PTCHD4: variants seen among roughly 807,000 people sequenced by gnomAD.
PTCHD4 encodes the protein patched domain-containing protein 4.
In PTCHD4, 33 loss-of-function variants were observed where a neutral mutation model predicts 58.1. The ratio of observed to expected loss-of-function variants is 0.57; its 90% CI spans 0.43 to 0.76. PTCHD4 has a LOEUF of 0.76. Among genes scored for constraint, PTCHD4 ranks in the 30% least tolerant of loss-of-function variants. The probability of loss-of-function intolerance (pLI) is 0.00; values close to 1 mark genes in which losing one functional copy is unlikely to be tolerated. For missense variants in PTCHD4, 1,058 were observed against 1,027.1 expected, an observed-to-expected ratio of 1.03 and a Z score of -0.41; for synonymous variants, 478 against 409.6, an observed-to-expected ratio of 1.17 and a Z score of -2.02.
In PTCHD4 at chr6:47,878,906, G is replaced by A; in HGVS notation, c.1929C>T (p.Ser643=). Residue 643 remains serine, a synonymous_variant, in exon 5 of 5, where the codon TCC becomes TCT. Transcript: ENST00000339488. The part of the protein sequence containing the change: ...KSIRFIVFNP[S]FVFMDHYSLS... ...AGCTGTAATGGTCCATGAAGACAAA[G>A]GAGGGGTTGAACACGATGAATCGGA... The A allele has an allele frequency of 6.2e-7, 1 of 1,613,534 alleles. No individual in the cohort carries two copies. The highest frequency in any genetic ancestry group is 8.5e-7 in the Non-Finnish European group (1 of 1,179,746).
chr6:48,104,430 C>T (rs1309844866), intron 1 of PTCHD4, among the ~76,000 whole-genome samples: 1 of 152,114 alleles, frequency 6.6e-6, no homozygotes, highest in East Asian at 1.9e-4. Context: ...CAGGCCTGCC[C>T]TAAAAGAGCT....
intron 3 of PTCHD4, among the ~76,000 whole-genome samples, chr6:48,055,794 C>T (rs145893539): frequency 2.6e-4 from 40 of 152,296 alleles, no homozygotes; most frequent in African/African-American, 6.7e-4. Context: ...CACTTACTGG[C>T]GCCCTACCCT....
intron 4 of PTCHD4, among the ~76,000 whole-genome samples, chr6:47,947,698 C>T (rs1020919302): frequency 5.3e-5 from 8 of 151,812 alleles, no homozygotes; most frequent in Non-Finnish European, 8.8e-5. Context: ...GCTTTTAAAC[C>T]GTTTTCTTTG....
At chr6:47,961,445 C>T (rs966925646) in intron 4 of PTCHD4, among the ~76,000 whole-genome samples, 11 of 151,888 alleles carry the variant, frequency 7.2e-5, no homozygotes, top group African/African-American at 2.4e-4. Flanking sequence ...GTGCCCACTA[C>T]CCATGCCTGG....
At chr6:48,018,847 C>G (rs1390245037) in intron 3 of PTCHD4, among the ~76,000 whole-genome samples, 1 of 152,218 alleles carries the variant, frequency 6.6e-6, no homozygotes, top group African/African-American at 2.4e-5. Context: ...TTGGCCACCA[C>G]TAACGCAGGA....
At position 47,879,387 on chromosome 6, in the gene PTCHD4, C is replaced by T. The variant is rs774849243; in HGVS notation, c.1448G>A (p.Ser483Asn). Residue 483 changes from serine (S) to asparagine (N), a missense_variant, in exon 5 of 5, where the codon AGT becomes AAT. Physicochemically the swap from Ser to Asn is conservative, Grantham distance 46. Coordinates refer to ENST00000339488, the MANE Select transcript of PTCHD4 (RefSeq NM_001384253.1). ...SFSFMGCLQI[S>N]DGANIINLLA... is the part of the protein sequence containing the mutation. ...TAGATTGATGATGTTGGCTCCGTCA[C>T]TGATCTGTAAGCACCCCATGAAGGA... 1.2e-6 allele frequency: 2 copies of T among 1,613,684 alleles called. No individual in the cohort carries two copies. Among genetic ancestry groups the T allele is most frequent in the Admixed American group, 1.7e-5 (1 of 59,908 alleles).
At chr6:47,967,034 A>G (rs578135323) in intron 4 of PTCHD4, among the ~76,000 whole-genome samples, 17 of 152,288 alleles carry the variant, frequency 1.1e-4, no homozygotes, top group Middle Eastern at 6.8e-3. Flanking sequence ...AATCCTTTCT[A>G]GAAGGTTTTC....
rs1427332054 is a variant in PTCHD4 at position 47,858,408 on chromosome 6, A to AATC, written c.*19892_*19894dup. The stretch of plus-strand genomic sequence containing the variant: ...TCAAGTGGATAAAAATATAAGTAAC[A>AATC]ATCTCAGCTGAGAATGAGGCAGAAA... On this transcript the variant is annotated 3_prime_UTR_variant, in exon 5 of 5. Coordinates refer to ENST00000339488, the MANE Select transcript of PTCHD4 (RefSeq NM_001384253.1). Among the ~76,000 whole-genome samples, 1 of 152,028 alleles carries AATC rather than the reference A, an allele frequency of 6.6e-6. No individual in the cohort carries two copies. Among genetic ancestry groups the AATC allele is most frequent in the African/African-American group, 2.4e-5 (1 of 41,434 alleles).
intron 3 of PTCHD4, among the ~76,000 whole-genome samples, chr6:48,052,161 A>G (rs1246473639): frequency 6.6e-6 from 1 of 152,090 alleles, no homozygotes; most frequent in Non-Finnish European, 1.5e-5. Context: ...ATCTTTATAA[A>G]TAACACATCA....
chr6:47,946,430 C>A (rs759036025), intron 4 of PTCHD4, among the ~76,000 whole-genome samples: 1 of 152,048 alleles, frequency 6.6e-6, no homozygotes, highest in Non-Finnish European at 1.5e-5. Flanking sequence ...TTTTTGTCAA[C>A]GTGTAAGGAT....
Position 47,935,576 on chromosome 6 carries a change from T to C in PTCHD4, c.899-55640A>G, listed in dbSNP as rs1302930710. ...AAGCATTTTAGGAGGAATTCATCAG[T>C]ACCAAATACACATACATATACTCAT... On this transcript the variant is annotated intron_variant, in intron 4 of 4. Transcript: ENST00000339488. 2.0e-5 allele frequency among the ~76,000 whole-genome samples: 3 copies of C among 152,184 alleles called. No homozygotes were observed. In the East Asian group the frequency reaches 5.8e-4, roughly 29 times the overall value.
intron 4 of PTCHD4, among the ~76,000 whole-genome samples, chr6:47,892,910 G>A (rs1055168517): frequency 1.1e-4 from 17 of 152,300 alleles, no homozygotes; most frequent in African/African-American, 4.1e-4. Context: ...TAACCCAAAA[G>A]TTCAGGAATG....
At chr6:47,911,230 T>C (rs1480761192) in intron 4 of PTCHD4, among the ~76,000 whole-genome samples, 2 of 152,020 alleles carry the variant, frequency 1.3e-5, no homozygotes, top group East Asian at 3.9e-4. Context: ...AGTATTTCTT[T>C]TCCCTTCTTT....
At chr6:47,889,666 A>ACGC (rs1369012910) in intron 4 of PTCHD4, among the ~76,000 whole-genome samples, 1 of 151,442 alleles carries the variant, frequency 6.6e-6, no homozygotes, top group African/African-American at 2.4e-5. Context: ...GAAAGCCGAA[A>ACGC]CTGGATCCCT....
rs1763594428 is a variant in PTCHD4 at position 47,867,371 on chromosome 6, G to GA, written c.*10931_*10932insT. 6.6e-6 allele frequency among the ~76,000 whole-genome samples: 1 copy of GA among 151,728 alleles called. No homozygotes were observed. The highest frequency in any genetic ancestry group is 1.5e-5 in the Non-Finnish European group (1 of 67,830). On this transcript the variant is annotated 3_prime_UTR_variant, in exon 5 of 5. Transcript: ENST00000339488. ...TTATAAATTTATGTGATATTGCTCA[G>GA]TTTTGGGATCCTTGATTTTAACAGT...
chr6:48,009,467 A>G (rs1349793854), intron 3 of PTCHD4, among the ~76,000 whole-genome samples: 1 of 152,204 alleles, frequency 6.6e-6, no homozygotes, highest in East Asian at 1.9e-4. Context: ...AAGTTTTATG[A>G]TTCAGTTTCA....
At chr6:48,048,636 C>T (rs1472565949) in intron 3 of PTCHD4, among the ~76,000 whole-genome samples, 1 of 151,884 alleles carries the variant, frequency 6.6e-6, no homozygotes, top group African/African-American at 2.4e-5. Context: ...TGCAGTATTA[C>T]TGAGGATTTA....
chr6:48,084,698 A>G (rs1229546522), intron 1 of PTCHD4, among the ~76,000 whole-genome samples: 1 of 151,616 alleles, frequency 6.6e-6, no homozygotes, highest in East Asian at 1.9e-4. Flanking sequence ...GTGTTTTATA[A>G]CAGTGATTGA....
At chr6:47,889,440 G>T (rs1764307290) in intron 4 of PTCHD4, among the ~76,000 whole-genome samples, 1 of 150,616 alleles carries the variant, frequency 6.6e-6, no homozygotes, top group African/African-American at 2.4e-5. Context: ...GTGTTTTTTG[G>T]CTGCATAAAT....
Sources: allele counts gnomAD v4.1 joint callset (sites outside exome capture counted in the v4.1 genomes callset), GRCh38; gene constraint gnomAD v4.1.1; transcripts MANE v1.5; gene names NCBI Gene and HGNC (gene_info 2026-07-23, HGNC 2026-07-21).